NALCN: variants seen among roughly 807,000 people sequenced by gnomAD.
The protein encoded by NALCN is sodium leak channel NALCN.
NALCN carries 111 observed loss-of-function variants against 225.3 expected under a neutral mutation model. The observed-to-expected ratio is 0.49, with a 90% confidence interval of 0.42 to 0.58. The LOEUF is 0.58. Among genes scored for constraint, NALCN ranks in the 20% least tolerant of loss-of-function variants. NALCN has a pLI of 0.00. For missense variants in NALCN, 1,378 were observed against 2,202.4 expected (o/e 0.63, Z 7.49); for synonymous variants, 764 against 769.0 (o/e 0.99, Z 0.11).
intron 1 of NALCN, among the ~76,000 whole-genome samples, chr13:101,408,962 T>C (rs2047701537): frequency 6.6e-6 from 1 of 152,216 alleles, no homozygotes; most frequent in African/African-American, 2.4e-5. Context: ...TTTATGAGTC[T>C]ATTTCTTAAA....
intron 15 of NALCN, among the ~76,000 whole-genome samples, chr13:101,172,752 A>G (rs1313555063): frequency 1.3e-5 from 2 of 151,882 alleles, no homozygotes; most frequent in African/African-American, 4.8e-5. Context: ...TATTTTTAGT[A>G]GAGACGGGAT....
chr13:101,247,438 A>G (rs1013247650), intron 11 of NALCN, among the ~76,000 whole-genome samples: 2 of 152,176 alleles, frequency 1.3e-5, no homozygotes, highest in African/African-American at 4.8e-5. Flanking sequence ...TATCCCTAAG[A>G]AAGTAGAAGT....
At position 101,228,802 on chromosome 13, in the gene NALCN, TTA is replaced by T. The variant is rs1436976149; in HGVS notation, c.1626+589_1626+590del. ...TTATTTGTCTGGTCATTGTATTTTT[TTA>T]TGTTTCTAAGTCCACATAGAGTTAA... On this transcript the variant is annotated intron_variant, in intron 13 of 43. Coordinates refer to ENST00000251127, the MANE Select transcript of NALCN (RefSeq NM_052867.4). 5.9e-5 allele frequency among the ~76,000 whole-genome samples: 9 copies of T among 152,326 alleles called. No individual in the cohort carries two copies. The East Asian group carries it at 1.3e-3, about 23-fold the overall frequency.
intron 6 of NALCN, among the ~76,000 whole-genome samples, chr13:101,361,622 C>T (rs1211101753): frequency 6.6e-6 from 1 of 152,164 alleles, no homozygotes; most frequent in Non-Finnish European, 1.5e-5. Context: ...TGTTTCATCT[C>T]AGCCACTTTA....
chr13:101,384,545 T>C (rs1218235506), intron 3 of NALCN, among the ~76,000 whole-genome samples: 1 of 152,198 alleles, frequency 6.6e-6, no homozygotes, highest in Non-Finnish European at 1.5e-5. Context: ...GTCCCAAGTT[T>C]CCAGGGCCCA....
chr13:101,068,147 A>G, intron 38 of NALCN, 114 bp from the exon 39 acceptor site: 2 of 674,210 alleles, frequency 3.0e-6, no homozygotes, highest in Admixed American at 3.3e-5. Context: ...TCATAAGCCA[A>G]ATTTTTAAAG....
intron 15 of NALCN, among the ~76,000 whole-genome samples, chr13:101,174,629 C>T (rs1308052126): frequency 6.6e-6 from 1 of 152,048 alleles, no homozygotes; most frequent in African/African-American, 2.4e-5. Flanking sequence ...AAAATGAACA[C>T]TGCAAAGTAT....
intron 13 of NALCN, among the ~76,000 whole-genome samples, chr13:101,206,847 C>T (rs1594434983): frequency 6.6e-6 from 1 of 151,730 alleles, no homozygotes; most frequent in African/African-American, 2.4e-5. Context: ...TTGAATTCAG[C>T]TGCAAATATA....
intron 10 of NALCN, among the ~76,000 whole-genome samples, chr13:101,278,244 G>C (rs1211317234): frequency 6.6e-6 from 1 of 152,034 alleles, no homozygotes; most frequent in Admixed American, 6.5e-5. Flanking sequence ...TTTGGGTTCA[G>C]CTGGGCACAG....
intron 11 of NALCN, among the ~76,000 whole-genome samples, chr13:101,256,984 C>T (rs1016770528): frequency 6.6e-6 from 1 of 152,182 alleles, no homozygotes; most frequent in East Asian, 1.9e-4. Context: ...AGGCTTGTCT[C>T]GAACTCCTGA....
intron 37 of NALCN, among the ~76,000 whole-genome samples, chr13:101,072,805 T>C (rs1281549350): frequency 6.6e-6 from 1 of 152,168 alleles, no homozygotes; most frequent in Non-Finnish European, 1.5e-5. Flanking sequence ...AATGTAATAA[T>C]ATAAAATTAA....
chr13:101,080,773 T>TTCAA (rs2033599823), intron 34 of NALCN, among the ~76,000 whole-genome samples: 1 of 147,532 alleles, frequency 6.8e-6, no homozygotes, highest in Admixed American at 6.8e-5. Flanking sequence ...TTATTATTTA[T>TTCAA]TTAATAATTA....
At chr13:101,309,760 A>G (rs2139136566) in intron 7 of NALCN, among the ~76,000 whole-genome samples, 1 of 152,368 alleles carries the variant, frequency 6.6e-6, no homozygotes, top group East Asian at 1.9e-4. Flanking sequence ...ACTGTGTCAA[A>G]GAAAACAATT....
At chr13:101,216,154 A>G (rs1276112552) in intron 13 of NALCN, among the ~76,000 whole-genome samples, 1 of 152,258 alleles carries the variant, frequency 6.6e-6, no homozygotes, top group South Asian at 2.1e-4. Context: ...GCAATATAAT[A>G]TGTAGTTGCT....
intron 14 of NALCN, among the ~76,000 whole-genome samples, chr13:101,179,530 G>GT (rs1268774896): frequency 2.7e-4 from 41 of 152,244 alleles, no homozygotes; most frequent in African/African-American, 7.7e-4. Flanking sequence ...TTCAAGCTCA[G>GT]TTACATTTGA....
intron 18 of NALCN, among the ~76,000 whole-genome samples, chr13:101,114,975 T>C (rs2139662647): frequency 6.6e-6 from 1 of 152,180 alleles, no homozygotes; most frequent in East Asian, 1.9e-4. Context: ...GAGAGTAGGG[T>C]TTTCTTTAAA....
At chr13:101,147,549 A>G (rs1249817094) in intron 15 of NALCN, among the ~76,000 whole-genome samples, 1 of 151,670 alleles carries the variant, frequency 6.6e-6, no homozygotes, top group Non-Finnish European at 1.5e-5. Flanking sequence ...CTTTTGTTTT[A>G]ACAAACAAAA....
At chr13:101,082,562 A>G (rs1316971654) in intron 33 of NALCN, among the ~76,000 whole-genome samples, 3 of 152,216 alleles carry the variant, frequency 2.0e-5, no homozygotes, top group Non-Finnish European at 4.4e-5. Flanking sequence ...CAGAACTCGC[A>G]TAACTAGACA....
At chr13:101,395,133 G>T (rs1437964359) in intron 3 of NALCN, 50 bp downstream of exon 3, 5 of 1,530,036 alleles carry the variant, frequency 3.3e-6, no homozygotes, top group South Asian at 1.2e-5. Flanking sequence ...AAGGGATTAA[G>T]ACTTTCAACA....
Sources: gnomAD v4.1 joint callset for allele counts (sites outside exome capture counted in the v4.1 genomes callset) on GRCh38, gnomAD v4.1.1 for gene constraint, MANE v1.5 for transcripts, NCBI Gene and HGNC (gene_info 2026-07-23, HGNC 2026-07-21) for gene names.